The following GRM7 variants were observed in gnomAD, a reference collection of about 807,000 sequenced individuals.
The protein encoded by GRM7 is metabotropic glutamate receptor 7.
In GRM7, 35 loss-of-function variants were observed where a neutral mutation model predicts 84.5. The ratio of observed to expected loss-of-function variants is 0.41; its 90% CI spans 0.32 to 0.55. The LOEUF is 0.55. GRM7 is among the 20% of genes least tolerant of loss of function. The pLI is 0.19. For missense variants in GRM7, 1,003 were observed against 1,194.6 expected, an observed-to-expected ratio of 0.84 and a Z score of 2.36; for synonymous variants, 487 against 455.1, an observed-to-expected ratio of 1.07 and a Z score of -0.89.
At chr3:7,374,309 T>C (rs1321863109) in intron 4 of GRM7, among the ~76,000 whole-genome samples, 1 of 152,016 alleles carries the variant, frequency 6.6e-6, no homozygotes, top group Non-Finnish European at 1.5e-5. Flanking sequence ...GTCTCTACTC[T>C]AGCTAGATCT....
chr3:7,276,507 C>A (rs546137080), intron 2 of GRM7, among the ~76,000 whole-genome samples: 19 of 151,962 alleles, frequency 1.3e-4, no homozygotes, highest in African/African-American at 4.3e-4. Context: ...ACTTTCATTT[C>A]TAGCCTAGGA....
chr3:7,666,368 T>TA (rs1237278936), intron 8 of GRM7, among the ~76,000 whole-genome samples: 18 of 152,308 alleles, frequency 1.2e-4, no homozygotes, highest in Admixed American at 3.3e-4. Flanking sequence ...AGAGACTAGC[T>TA]AAAAAATTCA....
intron 1 of GRM7, among the ~76,000 whole-genome samples, chr3:6,931,680 T>G (rs1272199051): frequency 6.6e-6 from 1 of 152,220 alleles, no homozygotes; most frequent in Non-Finnish European, 1.5e-5. Context: ...CCATAGAAAT[T>G]ATATAAATTT....
At chr3:7,142,674 A>G (rs1282264356) in intron 1 of GRM7, among the ~76,000 whole-genome samples, 1 of 152,164 alleles carries the variant, frequency 6.6e-6, no homozygotes, top group Non-Finnish European at 1.5e-5. Flanking sequence ...ATCTGTGCAT[A>G]ACCAAATATA....
chr3:6,929,604 T>TGTAA (rs1697427991), intron 1 of GRM7, among the ~76,000 whole-genome samples: 3 of 152,206 alleles, frequency 2.0e-5, no homozygotes, highest in African/African-American at 7.2e-5. Context: ...CAGTGCATAT[T>TGTAA]GTCTACAATT....
intron 7 of GRM7, among the ~76,000 whole-genome samples, chr3:7,472,566 A>C (rs2124925486): frequency 6.6e-6 from 1 of 152,326 alleles, no homozygotes; most frequent in South Asian, 2.1e-4. Flanking sequence ...GATGAGCTTG[A>C]GGAGAGAGGA....
chr3:7,541,777 G>T (rs564265144), intron 7 of GRM7, among the ~76,000 whole-genome samples: 5 of 152,246 alleles, frequency 3.3e-5, no homozygotes, highest in Admixed American at 2.6e-4. Context: ...TGTCTTCAAG[G>T]CTGCAATAGT....
intron 2 of GRM7, among the ~76,000 whole-genome samples, chr3:7,243,237 T>C (rs1275101668): frequency 2.0e-5 from 3 of 152,108 alleles, no homozygotes; most frequent in Admixed American, 2.0e-4. Context: ...TAAATTCAAC[T>C]GGTAGCAGAG....
At chr3:7,048,178 C>A (rs774588070) in intron 1 of GRM7, among the ~76,000 whole-genome samples, 1 of 151,930 alleles carries the variant, frequency 6.6e-6, no homozygotes, top group Non-Finnish European at 1.5e-5. Context: ...AGGAGATAAG[C>A]AAAGTAACAG....
chr3:6,905,478 A>G (rs1696541978), intron 1 of GRM7, among the ~76,000 whole-genome samples: 1 of 152,152 alleles, frequency 6.6e-6, no homozygotes, highest in South Asian at 2.1e-4. Context: ...CAGATTTAAT[A>G]GCTTATTTTC....
intron 2 of GRM7, among the ~76,000 whole-genome samples, chr3:7,156,225 G>A (rs1694445522): frequency 6.6e-6 from 1 of 152,122 alleles, no homozygotes; most frequent in Non-Finnish European, 1.5e-5. Context: ...GCTAAGTATG[G>A]GGGGAAAGCC....
At position 7,438,750 on chromosome 3, in the gene GRM7, G is replaced by C. The variant is rs147960706; in HGVS notation, c.1175-13857G>C. 7.6e-4 allele frequency among the ~76,000 whole-genome samples: 116 copies of C among 152,240 alleles called. 1 individual carries two copies. The highest frequency in any genetic ancestry group is 2.7e-3 in the African/African-American group (114 of 41,550). ...GACCAAATTAACCAGATGTCAAAAG[G>C]TAAGAGAGCTCTGTATTTGTTCATC... On this transcript the variant is annotated intron_variant, in intron 5 of 9. Transcript: ENST00000357716.
chr3:7,545,696 C>T (rs1482958260), intron 7 of GRM7, among the ~76,000 whole-genome samples: 1 of 151,938 alleles, frequency 6.6e-6, no homozygotes, highest in African/African-American at 2.4e-5. Flanking sequence ...TGACTTGGGG[C>T]AAGGAGGGTA....
At chr3:7,364,046 C>G (rs974944273) in intron 4 of GRM7, among the ~76,000 whole-genome samples, 5 of 152,004 alleles carry the variant, frequency 3.3e-5, no homozygotes, top group African/African-American at 1.2e-4. Flanking sequence ...AACTGTGCCA[C>G]TTCTTTACCC....
Position 6,861,288 on chromosome 3 carries a change from T to C in GRM7, c.-101T>C. 2 of 1,060,060 alleles carry C rather than the reference T, an allele frequency of 1.9e-6. No homozygotes were observed. Among genetic ancestry groups the C allele is most frequent in the Non-Finnish European group, 1.3e-6 (1 of 793,960 alleles). 65.7% of individuals were successfully genotyped at this position (1,060,060 alleles called of 1,614,324 possible). On this transcript the variant is annotated 5_prime_UTR_variant, in exon 1 of 10. Transcript: ENST00000357716. The surrounding 1 kb of genome is among the most constrained non-coding windows in gnomAD (Gnocchi z 6.4). Reference sequence around the variant, plus strand: ...CACCCTCCGTGCCTGCAGGAGCCCCTGGGCTTTCCCGGAGGAGCTCGCCCT... The same window carrying C: ...CACCCTCCGTGCCTGCAGGAGCCCCCGGGCTTTCCCGGAGGAGCTCGCCCT...
intron 1 of GRM7, among the ~76,000 whole-genome samples, chr3:6,940,311 C>T (rs146198586): frequency 0.045 from 6,888 of 152,128 alleles, 176 homozygotes; most frequent in African/African-American, 0.049. Context: ...AGGATGGTCT[C>T]GATCTCTTGA....
intron 4 of GRM7, among the ~76,000 whole-genome samples, chr3:7,378,036 C>T (rs1472040047): frequency 6.6e-6 from 1 of 152,158 alleles, no homozygotes; most frequent in African/African-American, 2.4e-5. Flanking sequence ...CTGACCCCAT[C>T]CCAATTCATG....
chr3:7,029,067 G>A (rs1696086851), intron 1 of GRM7, among the ~76,000 whole-genome samples: 1 of 152,114 alleles, frequency 6.6e-6, no homozygotes, highest in African/African-American at 2.4e-5. Flanking sequence ...ATTTTGGGAG[G>A]CCAAGGAGGG....
intron 4 of GRM7, among the ~76,000 whole-genome samples, chr3:7,322,376 G>A (rs6443105): frequency 0.57 from 86,159 of 151,596 alleles, 24,822 homozygotes; most frequent in African/African-American, 0.65. Flanking sequence ...CCACCTTTTT[G>A]TTTTTTTAAA....
Sources: gnomAD v4.1 joint callset for allele counts (sites outside exome capture counted in the v4.1 genomes callset) on GRCh38, gnomAD v4.1.1 for gene constraint, Gnocchi (gnomAD v3.1) non-coding constraint, MANE v1.5 for transcripts, NCBI Gene and HGNC (gene_info 2026-07-23, HGNC 2026-07-21) for gene names.